The following CTNNA2 variants were observed in gnomAD, a reference collection of about 807,000 sequenced individuals.
CTNNA2 encodes the protein catenin alpha 2, also known as catenin alpha-2.
In CTNNA2, 42 loss-of-function variants were observed where a neutral mutation model predicts 101.0. The observed-to-expected ratio is 0.42, with a 90% CI of 0.32 to 0.54. The LOEUF (loss-of-function observed/expected upper bound fraction) is 0.54. Among genes scored for constraint, CTNNA2 ranks in the 20% least tolerant of loss-of-function variants. CTNNA2 has a pLI of 0.14. For synonymous variants in CTNNA2, 450 were observed against 456.4 expected (o/e 0.99, Z 0.18); for missense variants, 871 against 1,223.1 (o/e 0.71, Z 4.29).
intron 7 of CTNNA2, among the ~76,000 whole-genome samples, chr2:80,063,286 T>C (rs753683017): frequency 1.3e-5 from 2 of 152,176 alleles, no homozygotes; most frequent in Non-Finnish European, 1.5e-5. Context: ...ATGCCACCAG[T>C]TCAATGTTTT....
At chr2:80,103,802 T>G (rs1039251845) in intron 7 of CTNNA2, among the ~76,000 whole-genome samples, 8 of 152,234 alleles carry the variant, frequency 5.3e-5, no homozygotes, top group African/African-American at 1.9e-4. Flanking sequence ...TGGCGTGATC[T>G]TGGCTCACTG....
At chr2:79,820,483 C>A (rs938195827) in intron 3 of CTNNA2, among the ~76,000 whole-genome samples, 1 of 152,146 alleles carries the variant, frequency 6.6e-6, no homozygotes, top group African/African-American at 2.4e-5. Flanking sequence ...TCCTTATCTT[C>A]GGAATGTCTT....
At chr2:79,553,779 A>G (rs1290491542) in intron 1 of CTNNA2, among the ~76,000 whole-genome samples, 1 of 152,220 alleles carries the variant, frequency 6.6e-6, no homozygotes, top group Non-Finnish European at 1.5e-5. Flanking sequence ...ACTGAGGATT[A>G]CAATTCAATA....
At chr2:79,204,083 GTAA>G (rs1558572474) in intron 2 of CTNNA2, among the ~76,000 whole-genome samples, 1 of 152,234 alleles carries the variant, frequency 6.6e-6, no homozygotes, top group Admixed American at 6.5e-5. Context: ...AGCATTTAAA[GTAA>G]TAATAATGGG....
chr2:79,531,370 G>A (rs1455424530), intron 1 of CTNNA2, among the ~76,000 whole-genome samples: 1 of 151,788 alleles, frequency 6.6e-6, no homozygotes, highest in African/African-American at 2.4e-5. Context: ...TTGAATAACA[G>A]TGTTGAAAAC....
chr2:80,398,800 G>A (rs756951376), intron 8 of CTNNA2, among the ~76,000 whole-genome samples: 2 of 151,558 alleles, frequency 1.3e-5, no homozygotes, highest in Non-Finnish European at 2.9e-5. Context: ...CCAGGAGGTG[G>A]AGGTTGCAGT....
In CTNNA2 at chr2:79,982,192, CTATA is replaced by C. The variant is rs70940064; in HGVS notation, c.1056+72441_1056+72444del. 5.4e-3 allele frequency among the ~76,000 whole-genome samples: 405 copies of C among 74,728 alleles called. 4 individuals are homozygous for C. Among genetic ancestry groups the C allele is most frequent in the Admixed American group, 9.8e-3 (53 of 5,420 alleles). 49.0% of individuals were successfully genotyped at this position (74,728 alleles called of 152,430 possible). A position where few individuals can be genotyped will look rare whatever the true frequency, so the allele number is the denominator to read the frequency against. ...TACCTGAGACCACAGGCATGTGCCA[CTATA>C]TATATATATATATATATATATATAT... is the stretch of plus-strand genomic sequence containing the variant. On this transcript the variant is annotated intron_variant, in intron 7 of 18. Coordinates refer to ENST00000402739, the MANE Select transcript of CTNNA2 (RefSeq NM_001282597.3).
At chr2:80,272,525 G>T (rs2149141972) in intron 7 of CTNNA2, among the ~76,000 whole-genome samples, 1 of 152,252 alleles carries the variant, frequency 6.6e-6, no homozygotes, top group South Asian at 2.1e-4. Flanking sequence ...CTTCAGATTA[G>T]CAGTCAGACC....
intron 7 of CTNNA2, among the ~76,000 whole-genome samples, chr2:80,193,976 C>A (rs1181608031): frequency 6.6e-6 from 1 of 152,096 alleles, no homozygotes; most frequent in African/African-American, 2.4e-5. Flanking sequence ...TATTTTTAAA[C>A]AATGGATTTC....
At chr2:80,316,639 C>G (rs185904920) in intron 7 of CTNNA2, among the ~76,000 whole-genome samples, 5 of 152,194 alleles carry the variant, frequency 3.3e-5, no homozygotes, top group African/African-American at 1.2e-4. Flanking sequence ...GCATTAAAAC[C>G]GAATGCTGTT....
intron 7 of CTNNA2, among the ~76,000 whole-genome samples, chr2:80,054,365 A>C (rs1478267509): frequency 1.3e-5 from 2 of 152,242 alleles, no homozygotes; most frequent in Non-Finnish European, 2.9e-5. Flanking sequence ...GCTTAAGCTC[A>C]AGGAGGTTGT....
At chr2:80,121,333 A>G (rs769541752) in intron 7 of CTNNA2, among the ~76,000 whole-genome samples, 5 of 152,224 alleles carry the variant, frequency 3.3e-5, no homozygotes, top group South Asian at 2.1e-4. Context: ...ATTAATATGT[A>G]TAATGGGAAT....
At chr2:79,545,909 ATATT>A (rs1435839184) in intron 1 of CTNNA2, among the ~76,000 whole-genome samples, 1 of 152,208 alleles carries the variant, frequency 6.6e-6, no homozygotes, top group Non-Finnish European at 1.5e-5. Flanking sequence ...AGCTCTTTAT[ATATT>A]TACTCATTTA....
intron 1 of CTNNA2, chr2:79,523,149 T>G (rs918949982): frequency 3.4e-5 from 12 of 356,392 alleles, no homozygotes; most frequent in African/African-American, 2.4e-4. Flanking sequence ...TACATTAGTT[T>G]TTGTGTAACA....
At chr2:79,851,981 G>T (rs186333260) in intron 3 of CTNNA2, among the ~76,000 whole-genome samples, 1 of 151,894 alleles carries the variant, frequency 6.6e-6, no homozygotes, top group Non-Finnish European at 1.5e-5. Context: ...CAAATGATCT[G>T]CCCGCCTCAG....
intron 2 of CTNNA2, among the ~76,000 whole-genome samples, chr2:79,702,375 T>C (rs1039080533): frequency 1.3e-5 from 2 of 152,172 alleles, no homozygotes; most frequent in Non-Finnish European, 2.9e-5. Context: ...GCTACTCTCA[T>C]GCTACAATAG....
At chr2:79,411,247 A>T (rs1212918934) in intron 4 of CTNNA2, among the ~76,000 whole-genome samples, 3 of 151,766 alleles carry the variant, frequency 2.0e-5, no homozygotes, top group Non-Finnish European at 4.4e-5. Flanking sequence ...CTTTCAAAAA[A>T]CCAGCTCCTG....
At chr2:80,157,162 T>A (rs908733064) in intron 7 of CTNNA2, among the ~76,000 whole-genome samples, 3 of 152,164 alleles carry the variant, frequency 2.0e-5, no homozygotes, top group Admixed American at 2.0e-4. Context: ...CCTCTTCATC[T>A]CAGGGTAGAA....
At chr2:79,881,540 T>C (rs762184356) in intron 6 of CTNNA2, among the ~76,000 whole-genome samples, 13 of 152,200 alleles carry the variant, frequency 8.5e-5, no homozygotes, top group African/African-American at 2.4e-5. Flanking sequence ...CTTTTCTTGT[T>C]GAATTGTACC....
Sources: allele counts gnomAD v4.1 joint callset (sites outside exome capture counted in the v4.1 genomes callset), GRCh38; gene constraint gnomAD v4.1.1; transcripts MANE v1.5; gene names NCBI Gene and HGNC (gene_info 2026-07-23, HGNC 2026-07-21).